EIF3F: variants seen among roughly 807,000 people sequenced by gnomAD.
EIF3F encodes the protein deubiquitinating enzyme eIF3f.
Under a neutral mutation model 36.0 loss-of-function variants are expected in EIF3F, and 8 were observed. The observed-to-expected ratio is 0.22, with a 90% confidence interval of 0.13 to 0.40. EIF3F has a LOEUF of 0.40. Ranked by LOEUF, EIF3F falls within the 10% of genes least tolerant of loss-of-function variation. The pLI, the probability that EIF3F is intolerant of heterozygous loss-of-function variation, is 1.00. For missense variants in EIF3F, 430 were observed against 467.6 expected (o/e 0.92, Z 0.74); for synonymous variants, 184 against 188.5 (o/e 0.98, Z 0.19).
At position 7,997,683 on chromosome 11, in the gene EIF3F, AT is replaced by A. The variant is rs1942175713; in HGVS notation, c.*1662del. 6.6e-6 allele frequency: 1 copy of A among 152,190 alleles called. No homozygotes were observed. The highest frequency in any genetic ancestry group is 1.5e-5 in the Non-Finnish European group (1 of 68,030). The allele number at this position is 152,190 out of a possible 1,614,324, so 9.4% of individuals were successfully genotyped here. Reference sequence around the variant, plus strand: ...AGGTGAATGTTAATAATAATGTTGAATGAAAAAAGCTGGTGTCAGAAGACAT... The same window carrying A: ...AGGTGAATGTTAATAATAATGTTGAAGAAAAAAGCTGGTGTCAGAAGACAT... On this transcript the variant is annotated 3_prime_UTR_variant, in exon 8 of 8. Transcript: ENST00000651655.
chr11:7,992,364 C>A (rs1487353004), intron 3 of EIF3F: 2 of 596,630 alleles, frequency 3.4e-6, no homozygotes, highest in South Asian at 2.1e-5. Flanking sequence ...CCCAGTAGTT[C>A]AAGATCAGCC....
chr11:7,994,813 A>G, intron 5 of EIF3F, 169 bp from the exon 6 acceptor site: 1 of 995,404 alleles, frequency 1.0e-6, no homozygotes, highest in Middle Eastern at 3.3e-4. Flanking sequence ...GGAGGAAGAA[A>G]AGCTGATAAG....
chr11:7,987,817 C>T (rs1252354681), intron 1 of EIF3F, 101 bp downstream of exon 1: 2 of 1,372,606 alleles, frequency 1.5e-6, no homozygotes, highest in African/African-American at 1.5e-5. Flanking sequence ...GTCCTACCGT[C>T]CTTTCCTCCC....
At chr11:7,992,489 T>C in intron 3 of EIF3F, 1 of 426,286 alleles carries the variant, frequency 2.3e-6, no homozygotes, top group Non-Finnish European at 4.3e-6. Flanking sequence ...AGAGGATCAC[T>C]TGAGGCCAGG....
intron 4 of EIF3F, 65 bp downstream of exon 4, chr11:7,993,089 A>C: frequency 6.7e-7 from 1 of 1,494,918 alleles, no homozygotes; most frequent in African/African-American, 1.4e-5. Context: ...CCCCCACCCC[A>C]AGCAAGGTTA....
chr11:7,991,483 C>T (rs1469631791), intron 1 of EIF3F, among the ~76,000 whole-genome samples: 4 of 151,884 alleles, frequency 2.6e-5, no homozygotes, highest in Admixed American at 6.6e-5. Context: ...AAAAAAAGGC[C>T]GTAGAGTGAA....
rs1942213445 is a variant in EIF3F at position 8,000,833 on chromosome 11, AGG to A, written c.*4813_*4814del. 6.6e-6 allele frequency: 1 copy of A among 152,212 alleles called. No individual in the cohort carries two copies. The highest frequency in any genetic ancestry group is 2.4e-5 in the African/African-American group (1 of 41,448). The allele number at this position is 152,212 out of a possible 1,614,324, so 9.4% of individuals were successfully genotyped here. A position where few individuals can be genotyped will look rare whatever the true frequency, so the allele number is the denominator to read the frequency against. ...GTCTGAAAAAAAAACCATAAATATG[AGG>A]GAAAAAACACAGCAATGTGTTTTTA... On this transcript the variant is annotated 3_prime_UTR_variant, in exon 8 of 8. Transcript: ENST00000651655.
chr11:7,990,740 T>C (rs1190126335), intron 1 of EIF3F, among the ~76,000 whole-genome samples: 2 of 152,140 alleles, frequency 1.3e-5, no homozygotes, highest in African/African-American at 4.8e-5. Context: ...CTGGTAGATA[T>C]AGACAACACT....
intron 1 of EIF3F, among the ~76,000 whole-genome samples, chr11:7,988,354 G>T (rs960602576): frequency 2.0e-5 from 3 of 152,222 alleles, no homozygotes; most frequent in South Asian, 4.1e-4. Flanking sequence ...TACCTAATGT[G>T]AGAAACCCTG....
At chr11:7,992,310 C>A in intron 3 of EIF3F, 147 bp downstream of exon 3, 1 of 711,880 alleles carries the variant, frequency 1.4e-6, no homozygotes, top group Non-Finnish European at 2.3e-6. Context: ...TGGCTCAATG[C>A]CTGTAATCCC....
Position 7,987,664 on chromosome 11 carries a change from C to T in EIF3F, c.312C>T (p.Asp104=), listed in dbSNP as rs752787711. The change falls in exon 1 of 8, where the codon GAC becomes GAT. Residue 104 remains aspartate, a synonymous_variant. Transcript: ENST00000651655. ...CAGTCATTTTGGCCTCCATTGTGGA[C>T]AGCTACGAGAGACGCAACGAGGGTG... ...LHPVILASIV[D]SYERRNEGAA... 3 of 1,527,054 alleles carry T rather than the reference C, an allele frequency of 2.0e-6. No individual in the cohort carries two copies. The highest frequency in any genetic ancestry group is 1.3e-5 in the South Asian group (1 of 76,424). The allele number at this position is 1,527,054 out of a possible 1,614,324, so 94.6% of individuals were successfully genotyped here. A position where few individuals can be genotyped will look rare whatever the true frequency, so the allele number is the denominator to read the frequency against.
chr11:7,987,622 C>T lies in EIF3F; in HGVS notation c.270C>T (p.Arg90=), dbSNP rs374733620. 1.5e-5 allele frequency: 23 copies of T among 1,581,220 alleles called. No individual in the cohort carries two copies. The highest frequency in any genetic ancestry group is 5.2e-5 in the Admixed American group (3 of 57,162). ...PALPGPFPGG[R]VVRLHPVILA... Reference sequence around the variant, plus strand: ...TTCCAGGGCCCTTCCCCGGCGGCCGCGTGGTCAGGCTGCACCCAGTCATTT... The same window carrying T: ...TTCCAGGGCCCTTCCCCGGCGGCCGTGTGGTCAGGCTGCACCCAGTCATTT... Residue 90 remains arginine, a synonymous_variant, in exon 1 of 8, where the codon CGC becomes CGT. Transcript: ENST00000651655.
rs1358314521 is a variant in EIF3F, at chr11:7,998,307, C to G, written c.*2285C>G. ...GACACCTTAGTATATATGGTTGACC[C>G]ATTAACACTGAACTTAGCCCACGAC... On this transcript the variant is annotated 3_prime_UTR_variant, in exon 8 of 8. Transcript: ENST00000651655. 3.3e-5 allele frequency: 5 copies of G among 152,170 alleles called. No individual in the cohort carries two copies. The East Asian group carries it at 9.6e-4, about 29-fold the overall frequency. The allele number at this position is 152,170 out of a possible 1,614,324, so 9.4% of individuals were successfully genotyped here. A position where few individuals can be genotyped will look rare whatever the true frequency, so the allele number is the denominator to read the frequency against.
intron 1 of EIF3F, among the ~76,000 whole-genome samples, chr11:7,988,574 A>G (rs1942055020): frequency 6.6e-6 from 1 of 152,240 alleles, no homozygotes; most frequent in Admixed American, 6.5e-5. Flanking sequence ...TGGTCCCATG[A>G]AATTCGTTTC....
chr11:7,998,833 C>G lies in EIF3F; in HGVS notation c.*2811C>G, dbSNP rs1942190486. 1.3e-5 allele frequency: 2 copies of G among 152,040 alleles called. No individual in the cohort carries two copies. The highest frequency in any genetic ancestry group is 1.5e-5 in the Non-Finnish European group (1 of 68,026). The allele number at this position is 152,040 out of a possible 1,614,324, so 9.4% of individuals were successfully genotyped here. A position where few individuals can be genotyped will look rare whatever the true frequency, so the allele number is the denominator to read the frequency against. Reference sequence around the variant, plus strand: ...AGCAATTATCTAGTTTGAGGTTGGACAGTGGTTTCATCATAGGTATTGATT... The same window carrying G: ...AGCAATTATCTAGTTTGAGGTTGGAGAGTGGTTTCATCATAGGTATTGATT... On this transcript the variant is annotated 3_prime_UTR_variant, in exon 8 of 8. Transcript: ENST00000651655.
At chr11:7,989,453 G>A (rs553181351) in intron 1 of EIF3F, among the ~76,000 whole-genome samples, 4 of 152,158 alleles carry the variant, frequency 2.6e-5, no homozygotes, top group Non-Finnish European at 2.9e-5. Flanking sequence ...AATACTTACA[G>A]AAGAATAAAG....
intron 3 of EIF3F, chr11:7,992,517 AGCTAT>A: frequency 2.4e-6 from 1 of 425,364 alleles, no homozygotes; most frequent in South Asian, 2.4e-5. Flanking sequence ...AGTTGCAGTG[AGCTAT>A]GATCATGCCT....
chr11:7,991,968 A>G (rs1253963683), intron 2 of EIF3F, 116 bp from the exon 3 acceptor site: 5 of 1,495,078 alleles, frequency 3.3e-6, no homozygotes, highest in Non-Finnish European at 4.7e-6. Flanking sequence ...GCTTCTTCCC[A>G]TTTGTACGTA....
intron 3 of EIF3F, 188 bp from the exon 4 acceptor site, chr11:7,992,699 A>T (rs1942111485): frequency 2.7e-6 from 2 of 729,416 alleles, no homozygotes; most frequent in Admixed American, 5.2e-5. Context: ...GGAATTTTTC[A>T]TCAGCACTAA....
Sources: allele counts gnomAD v4.1 joint callset (sites outside exome capture counted in the v4.1 genomes callset), GRCh38; gene constraint gnomAD v4.1.1; transcripts MANE v1.5; gene names NCBI Gene and HGNC (gene_info 2026-07-23, HGNC 2026-07-21).